The following PBRM1 variants were observed in gnomAD, a reference collection of about 807,000 sequenced individuals.
PBRM1 encodes protein polybromo-1.
PBRM1 carries 27 observed loss-of-function variants against 194.5 expected under a neutral mutation model. The ratio of observed to expected loss-of-function variants is 0.14; its 90% CI spans 0.10 to 0.19. The LOEUF (loss-of-function observed/expected upper bound fraction) is 0.19, where lower values mean the gene tolerates loss of function less well. PBRM1 is among the 10% of genes least tolerant of loss of function. The pLI is 1.00. For synonymous variants in PBRM1, 655 were observed against 693.2 expected (o/e 0.94, Z 0.87); for missense variants, 1,466 against 2,077.2 (o/e 0.71, Z 5.72).
intron 16 of PBRM1, among the ~76,000 whole-genome samples, chr3:52,605,329 T>C (rs1021039526): frequency 2.0e-5 from 3 of 152,120 alleles, no homozygotes; most frequent in Non-Finnish European, 4.4e-5. Flanking sequence ...ATTACAGATG[T>C]GAGCCACCAC....
intron 7 of PBRM1, among the ~76,000 whole-genome samples, chr3:52,645,516 T>TG (rs2096265870): frequency 1.3e-5 from 2 of 151,930 alleles, no homozygotes; most frequent in African/African-American, 4.8e-5. Context: ...CTTTTTTTTT[T>TG]TTTTTTCCTT....
chr3:52,660,768 C>T (rs1031886523), intron 4 of PBRM1, among the ~76,000 whole-genome samples: 1 of 152,106 alleles, frequency 6.6e-6, no homozygotes, highest in Non-Finnish European at 1.5e-5. Flanking sequence ...CTGCCTTGGC[C>T]TCCCAAAGTG....
rs559373302 is a variant in PBRM1 at position 52,669,808 on chromosome 3, C to T, written c.237-1163G>A. On this transcript the variant is annotated intron_variant, in intron 2 of 29. Coordinates refer to ENST00000296302, the Ensembl canonical transcript of PBRM1. ...ACGCCTGATAATTTAGTGTTTGTTT[C>T]TCACAAATAAGGACCACAACTCAAC... 2.0e-5 allele frequency among the ~76,000 whole-genome samples: 3 copies of T among 152,214 alleles called. No homozygotes were observed. The South Asian group carries it at 6.2e-4, about 32-fold the overall frequency.
At chr3:52,678,779 GA>G (rs1245084363) in intron 1 of PBRM1, among the ~76,000 whole-genome samples, 182 bp from the exon 3 acceptor site, 5 of 152,128 alleles carry the variant, frequency 3.3e-5, no homozygotes, top group Admixed American at 3.3e-4. Context: ...TCAAACAACT[GA>G]GTTGACTAAC....
exon 10 of PBRM1, chr3:52,641,967 A>G (rs780030300): frequency 6.3e-7 from 1 of 1,599,444 alleles, no homozygotes; most frequent in Non-Finnish European, 8.6e-7. Flanking sequence ...CTAAAGCAGC[A>G]TCTTCTTCAC....
intron 1 of PBRM1, 36 bp downstream of exon 2, chr3:52,679,538 A>T: frequency 1.3e-6 from 2 of 1,582,002 alleles, no homozygotes; most frequent in Non-Finnish European, 1.7e-6. Flanking sequence ...AATTGTGGGA[A>T]GAGCAGGCAG....
chr3:52,634,435 CAAAAAAAAAA>C (rs370025797), intron 11 of PBRM1, among the ~76,000 whole-genome samples, 157 bp downstream of exon 12: 2 of 46,356 alleles, frequency 4.3e-5, no homozygotes, highest in African/African-American at 1.6e-4. Flanking sequence ...GACTCCGTCT[CAAAAAAAAAA>C]AAAAAAAAAA....
chr3:52,654,936 ACAC>A (rs1431293276), intron 5 of PBRM1, among the ~76,000 whole-genome samples: 5 of 152,046 alleles, frequency 3.3e-5, no homozygotes, highest in Non-Finnish European at 7.4e-5. Flanking sequence ...CTACAGGTGC[ACAC>A]CACCATGACT....
intron 17 of PBRM1, among the ~76,000 whole-genome samples, chr3:52,591,458 A>T (rs1214504697): frequency 1.3e-5 from 2 of 150,634 alleles, no homozygotes; most frequent in Admixed American, 6.6e-5. Context: ...AGAGTTTTTA[A>T]TATGTCAAAA....
intron 22 of PBRM1, among the ~76,000 whole-genome samples, chr3:52,574,956 A>G (rs140435693): frequency 0.034 from 5,218 of 152,280 alleles, 133 homozygotes; most frequent in Non-Finnish European, 0.053. Context: ...GCTGGAGTGC[A>G]GTGGCATGAT....
rs2084654811 is a variant in PBRM1, at chr3:52,564,886, C to T, written c.3692-653G>A. On this transcript the variant is annotated intron_variant, in intron 22 of 29. Coordinates refer to ENST00000296302, the Ensembl canonical transcript of PBRM1. ...TTCTGCACATGAATGCAGTTGAACT[C>T]CTACCTCCTATCATATATAAAAATT... 2.6e-5 allele frequency among the ~76,000 whole-genome samples: 4 copies of T among 152,212 alleles called. No homozygotes were observed. The South Asian group carries it at 8.3e-4, about 32-fold the overall frequency.
upstream of PBRM1, among the ~76,000 whole-genome samples, chr3:52,680,141 C>G (rs1174716781): frequency 1.3e-5 from 2 of 152,172 alleles, no homozygotes; most frequent in Non-Finnish European, 2.9e-5. Context: ...GGAGTCAGCA[C>G]CTCATCTGCT....
At chr3:52,680,817 C>T (rs1046267581), upstream of PBRM1, among the ~76,000 whole-genome samples, 1 of 152,066 alleles carries the variant, frequency 6.6e-6, no homozygotes, top group Non-Finnish European at 1.5e-5. Flanking sequence ...TGTGCCATCA[C>T]ACCCAGCTAA....
upstream of PBRM1, among the ~76,000 whole-genome samples, chr3:52,683,851 CA>C (rs374015102): frequency 3.4e-5 from 5 of 149,174 alleles, no homozygotes; most frequent in African/African-American, 4.9e-5. Flanking sequence ...TTGAGACCTT[CA>C]AAAAAAAAAG....
chr3:52,620,141 G>A (rs187137590), intron 13 of PBRM1, among the ~76,000 whole-genome samples: 119 of 152,260 alleles, frequency 7.8e-4, no homozygotes, highest in African/African-American at 2.6e-3. Context: ...CTAAGTCTTC[G>A]GCAAGTGGAT....
chr3:52,593,545 A>G (rs2093299680), intron 17 of PBRM1, among the ~76,000 whole-genome samples: 1 of 152,062 alleles, frequency 6.6e-6, no homozygotes, highest in South Asian at 2.1e-4. Context: ...CCATTGACCT[A>G]TCTTTTTGAT....
chr3:52,628,786 T>A, intron 12 of PBRM1, 108 bp downstream of exon 13: 1 of 996,248 alleles, frequency 1.0e-6, no homozygotes, highest in Non-Finnish European at 1.6e-6. Context: ...GATGTAATAT[T>A]ACTGCTGAGG....
intron 17 of PBRM1, among the ~76,000 whole-genome samples, chr3:52,595,482 T>C (rs1436113855): frequency 1.3e-5 from 2 of 152,252 alleles, no homozygotes; most frequent in Non-Finnish European, 2.9e-5. Flanking sequence ...TGTCTCCTTT[T>C]GGGAAATGTA....
In PBRM1 at chr3:52,563,293, G is replaced by A. The variant is rs776212770; in HGVS notation, c.4076C>T (p.Thr1359Ile). The A allele has an allele frequency of 1.1e-5, 18 of 1,613,512 alleles. No homozygotes were observed. In the Admixed American group the frequency reaches 1.7e-4, roughly 15 times the overall value. ...ACCTGTCACCTTCACCTGTGGGGGT[G>A]TGTAGGGCATGAGGTCCAGCTCACT... The change falls in exon 24 of 30, where the codon ACA becomes ATA. Residue 1359 changes from threonine to isoleucine, a missense_variant. Thr to Ile is a moderately conservative substitution (Grantham distance 89, BLOSUM62 -1). Transcript: ENST00000296302.
Sources: allele counts gnomAD v4.1 joint callset (sites outside exome capture counted in the v4.1 genomes callset), GRCh38; gene constraint gnomAD v4.1.1; transcripts MANE v1.5; gene names NCBI Gene and HGNC (gene_info 2026-07-23, HGNC 2026-07-21).